Variants in TRIM58 observed in about 807,000 individuals in gnomAD.
TRIM58 encodes the protein tripartite motif containing 58.
Under a neutral mutation model 34.1 loss-of-function variants are expected in TRIM58, and 38 were observed. That is an observed-to-expected ratio of 1.12 (90% CI 0.86 to 1.46). TRIM58 has a LOEUF of 1.46. TRIM58 is among the 40% of genes most tolerant of loss of function. The pLI, the probability that TRIM58 is intolerant of heterozygous loss-of-function variation, is 0.00. For missense variants in TRIM58, 677 were observed against 642.0 expected, an observed-to-expected ratio of 1.05 and a Z score of -0.59; for synonymous variants, 273 against 275.7, an observed-to-expected ratio of 0.99 and a Z score of 0.10.
chr1:247,862,974 G>A (rs1056929401), intron 2 of TRIM58, among the ~76,000 whole-genome samples: 2 of 152,108 alleles, frequency 1.3e-5, no homozygotes, highest in Non-Finnish European at 2.9e-5. Flanking sequence ...CAGTGGCTGC[G>A]TTATTTGCCC....
In TRIM58 at chr1:247,857,437, T is replaced by C; in HGVS notation, c.191T>C (p.Phe64Ser). The C allele has an allele frequency of 6.9e-7, 1 of 1,449,544 alleles. No individual in the cohort carries two copies. Among genetic ancestry groups the C allele is most frequent in the South Asian group, 1.5e-5 (1 of 67,460 alleles). 89.8% of individuals were successfully genotyped at this position (1,449,544 alleles called of 1,614,324 possible). A position where few individuals can be genotyped will look rare whatever the true frequency, so the allele number is the denominator to read the frequency against. ...VYACPQCRGP[F>S]RPSGFRPNRQ... ...GCCTGTCCGCAGTGCCGGGGCCCCT[T>C]CCGGCCCTCGGGCTTTCGCCCCAAC... The change falls in exon 1 of 6, where the codon TTC becomes TCC. Residue 64 changes from phenylalanine to serine, a missense_variant. Transcript: ENST00000366481.
intron 5 of TRIM58, among the ~76,000 whole-genome samples, chr1:247,874,235 C>T (rs1316266709): frequency 3.3e-5 from 5 of 152,122 alleles, no homozygotes; most frequent in Non-Finnish European, 7.4e-5. Context: ...TCTGGTGAGG[C>T]CTCAGGACAC....
At chr1:247,869,135 A>G (rs949525851) in intron 5 of TRIM58, among the ~76,000 whole-genome samples, 6 of 152,084 alleles carry the variant, frequency 3.9e-5, no homozygotes, top group African/African-American at 1.4e-4. Flanking sequence ...CCTGACCTCA[A>G]ATGATCTGCC....
intron 5 of TRIM58, among the ~76,000 whole-genome samples, chr1:247,872,398 A>T (rs1659152820): frequency 6.6e-6 from 1 of 152,120 alleles, no homozygotes; most frequent in South Asian, 2.1e-4. Flanking sequence ...AGCTGTTAAG[A>T]TTTGCTGTTG....
At chr1:247,867,058 ACTT>A (rs1343666479) in intron 3 of TRIM58, among the ~76,000 whole-genome samples, 2 of 152,190 alleles carry the variant, frequency 1.3e-5, no homozygotes, top group African/African-American at 4.8e-5. Flanking sequence ...TTAATAATCT[ACTT>A]TGAGAAAATA....
chr1:247,864,757 G>T lies in TRIM58; in HGVS notation c.569G>T (p.Arg190Leu), dbSNP rs745451596. The change falls in exon 3 of 6, where the codon CGT becomes CTT. Residue 190 changes from arginine to leucine, a missense_variant. Physicochemically the swap from Arg to Leu is moderately radical, Grantham distance 102. Transcript: ENST00000366481. Reference sequence around the variant, plus strand: ...TTCAGATTGGAGTTTGAGAAGCATCGTGGCTTTCTGGCCCAGGAGGAGCAA... The same window carrying T: ...TTCAGATTGGAGTTTGAGAAGCATCTTGGCTTTCTGGCCCAGGAGGAGCAA... ...QRFRLEFEKH[R>L]GFLAQEEQRQ... is the part of the protein sequence containing the mutation. The T allele has an allele frequency of 1.2e-6, 2 of 1,614,164 alleles. No individual in the cohort carries two copies. The highest frequency in any genetic ancestry group is 2.2e-5 in the South Asian group (2 of 91,080).
chr1:247,857,396 G>A lies in TRIM58; in HGVS notation c.150G>A (p.Ala50=). ...AGTTCTGCGAGAAGTCGGACGGCGCGCAGGGCGGCGTCTACGCCTGTCCGC... is the reference window on the plus strand; with the variant it reads ...AGTTCTGCGAGAAGTCGGACGGCGCACAGGGCGGCGTCTACGCCTGTCCGC... ...ISEFCEKSDG[A]QGGVYACPQC... The change falls in exon 1 of 6, where the codon GCG becomes GCA. Residue 50 remains alanine, a synonymous_variant. Coordinates refer to ENST00000366481, the MANE Select transcript of TRIM58 (RefSeq NM_015431.4). 2 of 1,522,698 alleles carry A rather than the reference G, an allele frequency of 1.3e-6. No homozygotes were observed. The highest frequency in any genetic ancestry group is 1.8e-6 in the Non-Finnish European group (2 of 1,134,176). The allele number at this position is 1,522,698 out of a possible 1,614,324, so 94.3% of individuals were successfully genotyped here.
At chr1:247,862,859 T>C (rs1173716672) in intron 2 of TRIM58, among the ~76,000 whole-genome samples, 3 of 152,190 alleles carry the variant, frequency 2.0e-5, no homozygotes, top group African/African-American at 7.2e-5. Flanking sequence ...CAGATATAGT[T>C]GTGCTCAAGA....
At chr1:247,859,947 T>G (rs1663746611) in intron 1 of TRIM58, among the ~76,000 whole-genome samples, 1 of 152,126 alleles carries the variant, frequency 6.6e-6, no homozygotes, top group Non-Finnish European at 1.5e-5. Flanking sequence ...ACCAGCACAT[T>G]TTTTTTCAAA....
At chr1:247,862,416 A>G (rs1663813863) in intron 2 of TRIM58, among the ~76,000 whole-genome samples, 1 of 152,214 alleles carries the variant, frequency 6.6e-6, no homozygotes, top group Non-Finnish European at 1.5e-5. Flanking sequence ...AAGCTAGTAA[A>G]GCATAGTTTC....
In TRIM58 at chr1:247,876,285, C is replaced by G; in HGVS notation, c.1257C>G (p.Ala419=). ...TTGGGATTTTCTTGGACTATGAAGC[C>G]GGTGAAATTTCATTCTACAATGTCA... The part of the protein sequence containing the change: ...RCIGIFLDYE[A]GEISFYNVTD... Residue 419 remains alanine (A), a synonymous_variant, in exon 6 of 6, where the codon GCC becomes GCG. Transcript: ENST00000366481. 1 of 1,614,158 alleles carries G rather than the reference C, an allele frequency of 6.2e-7. No individual in the cohort carries two copies. The highest frequency in any genetic ancestry group is 8.5e-7 in the Non-Finnish European group (1 of 1,180,040).
intron 1 of TRIM58, 133 bp from the exon 2 acceptor site, chr1:247,860,484 T>G (rs1290121523): frequency 1.7e-6 from 1 of 602,984 alleles, no homozygotes; most frequent in Non-Finnish European, 2.9e-6. Context: ...TTATGTTTAG[T>G]TTTTAATGAT....
intron 5 of TRIM58, among the ~76,000 whole-genome samples, chr1:247,870,948 A>G (rs1659104813): frequency 1.0e-5 from 1 of 100,490 alleles, no homozygotes; most frequent in Non-Finnish European, 1.9e-5. Flanking sequence ...CCACGCCCAG[A>G]AGAACGAGGA....
chr1:247,867,939 C>T, intron 4 of TRIM58, 24 bp from the exon 5 acceptor site: 1 of 1,613,116 alleles, frequency 6.2e-7, no homozygotes, highest in Admixed American at 1.7e-5. Context: ...CTGCTGACTT[C>T]TGTGGTTTCT....
chr1:247,866,483 TG>T (rs1663928844), intron 3 of TRIM58, among the ~76,000 whole-genome samples: 1 of 152,202 alleles, frequency 6.6e-6, no homozygotes, highest in South Asian at 2.1e-4. Context: ...GTGCCCGGCT[TG>T]ACAATTTCAA....
In TRIM58 at chr1:247,880,031, A is replaced by G. The variant is rs1659374352; in HGVS notation, c.*3542A>G. On this transcript the variant is annotated 3_prime_UTR_variant, in exon 6 of 6. Transcript: ENST00000366481. ...GGGGAGGTATCTTTGTCTGTTGACA[A>G]TGATACATTCAATGTTTCTCAAGCA... Among the ~76,000 whole-genome samples, 4 of 152,134 alleles carry G rather than the reference A, an allele frequency of 2.6e-5. No individual in the cohort carries two copies. The highest frequency in any genetic ancestry group is 6.5e-5 in the Admixed American group (1 of 15,276).
At chr1:247,868,608 A>T (rs1184385675) in intron 5 of TRIM58, among the ~76,000 whole-genome samples, 1 of 152,210 alleles carries the variant, frequency 6.6e-6, no homozygotes, top group Admixed American at 6.5e-5. Context: ...CCCACTTCAG[A>T]TGCTGGTCAC....
In TRIM58 at chr1:247,857,554, T is replaced by C; in HGVS notation, c.308T>C (p.Leu103Pro). 7.9e-7 allele frequency: 1 copy of C among 1,272,708 alleles called. No homozygotes were observed. The highest frequency in any genetic ancestry group is 9.9e-7 in the Non-Finnish European group (1 of 1,013,904). The allele number at this position is 1,272,708 out of a possible 1,614,324, so 78.8% of individuals were successfully genotyped here. ...CGATGCGCGCGGCACGGCGAGGACC[T>C]GAGCCGCTTCTGCGAGGAGGACGAG... ...ARRCARHGED[L>P]SRFCEEDEAA... The change falls in exon 1 of 6, where the codon CTG (leucine) becomes CCG (proline). Residue 103 changes from leucine to proline, a missense_variant. Leu to Pro is a moderately conservative substitution (Grantham distance 98, BLOSUM62 -3). Transcript: ENST00000366481.
intron 5 of TRIM58, among the ~76,000 whole-genome samples, chr1:247,874,242 AC>A (rs1326100664): frequency 1.3e-5 from 2 of 152,166 alleles, no homozygotes; most frequent in Non-Finnish European, 2.9e-5. Context: ...AGGCCTCAGG[AC>A]ACCTACAGTC....
Sources: allele counts gnomAD v4.1 joint callset (sites outside exome capture counted in the v4.1 genomes callset), GRCh38; gene constraint gnomAD v4.1.1; transcripts MANE v1.5; gene names NCBI Gene and HGNC (gene_info 2026-07-23, HGNC 2026-07-21).